The following PCDHA9 variants were observed in gnomAD, a reference collection of about 807,000 sequenced individuals.
The protein encoded by PCDHA9 is protocadherin alpha 9.
In PCDHA9, 62 loss-of-function variants were observed where a neutral mutation model predicts 62.0. That is an observed-to-expected ratio of 1.00 (90% CI 0.81 to 1.23). The LOEUF (loss-of-function observed/expected upper bound fraction) is 1.23. PCDHA9 is among the 50% of genes most tolerant of loss of function. PCDHA9 has a pLI of 0.00. For missense variants in PCDHA9, 1,205 were observed against 1,249.8 expected (o/e 0.96, Z 0.54); for synonymous variants, 557 against 567.6 (o/e 0.98, Z 0.27).
chr5:140,896,260 G>A (rs1304707341), intron 1 of PCDHA9, among the ~76,000 whole-genome samples: 1 of 152,230 alleles, frequency 6.6e-6, no homozygotes, highest in African/African-American at 2.4e-5. Context: ...TATGTACACA[G>A]TTATGGGATT....
At position 140,848,603 on chromosome 5, in the gene PCDHA9, G is replaced by A. The variant is rs144574743; in HGVS notation, c.108G>A (p.Pro36=). The A allele has an allele frequency of 6.3e-7, 1 of 1,581,062 alleles. No homozygotes were observed. Among genetic ancestry groups the A allele is most frequent in the Non-Finnish European group, 8.7e-7 (1 of 1,155,038 alleles). The change falls in exon 1 of 4, where the codon CCG becomes CCA. Residue 36 remains proline, a synonymous_variant. Coordinates refer to ENST00000532602, the MANE Select transcript of PCDHA9 (RefSeq NM_031857.2). Reference sequence around the variant, plus strand: ...GCGGCCAGCTCCACTACTCCGTCCCGGAGGAAGCCGAACACGGCACCTTCG... The same window carrying A: ...GCGGCCAGCTCCACTACTCCGTCCCAGAGGAAGCCGAACACGGCACCTTCG... ...VGSGQLHYSV[P]EEAEHGTFVG...
chr5:140,884,589 C>T, intron 1 of PCDHA9: 1 of 1,614,146 alleles, frequency 6.2e-7, no homozygotes, highest in Non-Finnish European at 8.5e-7. Flanking sequence ...GCCTTCAGTC[C>T]CAGCCTTCCT....
chr5:140,975,630 G>A (rs182087841), intron 1 of PCDHA9, among the ~76,000 whole-genome samples: 16 of 152,316 alleles, frequency 1.1e-4, no homozygotes, highest in Admixed American at 3.3e-4. Flanking sequence ...TCCATGGTAC[G>A]AAGATAGCAT....
chr5:140,890,097 C>G (rs1554184163), intron 1 of PCDHA9, among the ~76,000 whole-genome samples: 1 of 152,136 alleles, frequency 6.6e-6, no homozygotes, highest in African/African-American at 2.4e-5. Context: ...AATTTATTCC[C>G]AACTCTGGAT....
intron 1 of PCDHA9, chr5:140,875,499 G>A (rs782342111): frequency 1.9e-6 from 3 of 1,613,354 alleles, no homozygotes; most frequent in Non-Finnish European, 2.5e-6. Context: ...CAAGAGGCCC[G>A]GGATCCCAGC....
chr5:140,852,586 T>A (rs2042389124), intron 1 of PCDHA9: 4 of 878,450 alleles, frequency 4.6e-6, no homozygotes, highest in East Asian at 1.2e-4. Context: ...TTTTTTATTT[T>A]TTTTTTTTGT....
chr5:140,918,748 C>T (rs1303112000), intron 1 of PCDHA9, among the ~76,000 whole-genome samples: 1 of 152,110 alleles, frequency 6.6e-6, no homozygotes, highest in Non-Finnish European at 1.5e-5. Flanking sequence ...ATAAAAGAGG[C>T]CCAGAGAGGT....
intron 1 of PCDHA9, chr5:140,871,184 A>G (rs2052793987): frequency 6.2e-7 from 1 of 1,613,434 alleles, no homozygotes; most frequent in African/African-American, 1.3e-5. Context: ...GCGCTGGTGG[A>G]TGTCAACGTG....
intron 1 of PCDHA9, among the ~76,000 whole-genome samples, chr5:140,941,241 T>TTCTTTCTTTCTTTCTTTCTC (rs1585048929): frequency 7.1e-6 from 1 of 140,568 alleles, no homozygotes; most frequent in East Asian, 2.0e-4. Context: ...CTTTCTTTCT[T>TTCTTTCTTTCTTTCTTTCTC]TCTTTCTTTC....
chr5:140,927,748 G>A lies in PCDHA9; in HGVS notation c.2395-51201G>A, dbSNP rs782605586. Reference sequence around the variant, plus strand: ...AGCAGAGCTGCGACACCGCTTTCACGTGCACCCTAAAAGTGGGGAGGTGCA... The same window carrying A: ...AGCAGAGCTGCGACACCGCTTTCACATGCACCCTAAAAGTGGGGAGGTGCA... On this transcript the variant is annotated intron_variant, in intron 1 of 3. Transcript: ENST00000532602. 53 of 1,614,088 alleles carry A rather than the reference G, an allele frequency of 3.3e-5. No homozygotes were observed. The South Asian group carries it at 5.7e-4, about 17-fold the overall frequency.
chr5:140,999,822 T>C (rs1389164136), intron 3 of PCDHA9, among the ~76,000 whole-genome samples: 3 of 152,222 alleles, frequency 2.0e-5, no homozygotes, highest in Non-Finnish European at 4.4e-5. Context: ...GAGCTGTGGC[T>C]TTAAAAATAT....
chr5:140,933,694 C>T (rs782754431), intron 1 of PCDHA9, among the ~76,000 whole-genome samples: 8 of 151,858 alleles, frequency 5.3e-5, no homozygotes, highest in South Asian at 4.1e-4. Flanking sequence ...TCCTATTCCT[C>T]GGACACATTT....
At chr5:140,908,822 C>G (rs2074167872) in intron 1 of PCDHA9, among the ~76,000 whole-genome samples, 1 of 152,136 alleles carries the variant, frequency 6.6e-6, no homozygotes, top group African/African-American at 2.4e-5. Flanking sequence ...TTTTGGGTTA[C>G]TCGATAAATG....
chr5:140,863,400 G>A, intron 1 of PCDHA9: 2 of 854,178 alleles, frequency 2.3e-6, no homozygotes, highest in Admixed American at 1.9e-5. Flanking sequence ...TGCCGGGCAA[G>A]CCCACGCTGG....
chr5:140,909,454 C>G (rs1317276726), intron 1 of PCDHA9, among the ~76,000 whole-genome samples: 2 of 152,190 alleles, frequency 1.3e-5, no homozygotes, highest in African/African-American at 4.8e-5. Flanking sequence ...TCTCCAAGAT[C>G]CATCTGTCTT....
intron 2 of PCDHA9, among the ~76,000 whole-genome samples, chr5:140,980,990 G>T (rs1344931215): frequency 6.6e-6 from 1 of 152,116 alleles, no homozygotes. Flanking sequence ...CACACAATTT[G>T]CTAGTAGGAT....
rs1023630665 is a variant in PCDHA9, at chr5:140,851,206, T to C, written c.2394+317T>C. 1.3e-5 allele frequency: 15 copies of C among 1,183,670 alleles called. No homozygotes were observed. The African/African-American group carries it at 2.4e-4, about 19-fold the overall frequency. 73.3% of individuals were successfully genotyped at this position (1,183,670 alleles called of 1,614,324 possible). ...ACCAATTTAGTTGTTAGTCATTCAT[T>C]AAACATTAACATCACTATCATTTAT... On this transcript the variant is annotated intron_variant, in intron 1 of 3. Coordinates refer to ENST00000532602, the MANE Select transcript of PCDHA9 (RefSeq NM_031857.2).
At chr5:140,998,533 T>C (rs1362807124) in intron 3 of PCDHA9, among the ~76,000 whole-genome samples, 1 of 152,020 alleles carries the variant, frequency 6.6e-6, no homozygotes, top group Non-Finnish European at 1.5e-5. Flanking sequence ...TTTATATCCC[T>C]AATTCCTAAT....
At chr5:140,928,137 C>T (rs537220203) in intron 1 of PCDHA9, 14 of 1,614,066 alleles carry the variant, frequency 8.7e-6, no homozygotes, top group Admixed American at 1.7e-5. Flanking sequence ...AAGTCCTGAT[C>T]ACGGCCTCAG....
Sources: gnomAD v4.1 joint callset for allele counts (sites outside exome capture counted in the v4.1 genomes callset) on GRCh38, gnomAD v4.1.1 for gene constraint, MANE v1.5 for transcripts, NCBI Gene and HGNC (gene_info 2026-07-23, HGNC 2026-07-21) for gene names.